HHIPL2: variants seen among roughly 807,000 people sequenced by gnomAD.
HHIPL2 encodes HHIP like 2, also known as HHIP-like protein 2.
HHIPL2 carries 61 observed loss-of-function variants against 61.0 expected under a neutral mutation model. The observed-to-expected ratio is 1.00, with a 90% confidence interval of 0.81 to 1.24. The LOEUF is 1.24. HHIPL2 is among the 50% of genes most tolerant of loss of function. The pLI, the probability that HHIPL2 is intolerant of heterozygous loss-of-function variation, is 0.00. For missense variants in HHIPL2, 885 were observed against 910.2 expected (o/e 0.97, Z 0.36); for synonymous variants, 343 against 357.4 (o/e 0.96, Z 0.45).
rs1659082153 is a variant in HHIPL2 at position 222,527,012 on chromosome 1, A to C, written c.1762T>G (p.Tyr588Asp). The C allele has an allele frequency of 1.9e-6, 3 of 1,613,760 alleles. No homozygotes were observed. In the East Asian group the frequency reaches 6.7e-5, roughly 36 times the overall value. ...TTGTAAATAGATCCACGTGGTGCAT[A>C]GGCACTTGGGTAAGAGGTCGCCAGG... ...YFLATSYPSAYAPRGSIYKFV... is the reference protein window; with the variant it reads ...YFLATSYPSADAPRGSIYKFV... Residue 588 changes from tyrosine (Y) to aspartate (D), a missense_variant, in exon 7 of 9, where the codon TAT (tyrosine) becomes GAT (aspartate). Physicochemically the swap from Tyr to Asp is radical, Grantham distance 160. Coordinates refer to ENST00000343410, the MANE Select transcript of HHIPL2 (RefSeq NM_024746.4).
intron 5 of HHIPL2, among the ~76,000 whole-genome samples, chr1:222,533,491 T>A (rs1659235930): frequency 6.6e-6 from 1 of 151,924 alleles, no homozygotes; most frequent in South Asian, 2.1e-4. Context: ...AACAATGAAA[T>A]CCCAAAGCTC....
In HHIPL2 at chr1:222,532,857, C is replaced by T. The variant is rs559131242; in HGVS notation, c.1578-746G>A. ...TGGCACATAGTAAGGGTTAAAAAAA[C>T]TACTAACTGTTATTATTATTGCTGT... On this transcript the variant is annotated intron_variant, in intron 5 of 8. Coordinates refer to ENST00000343410, the MANE Select transcript of HHIPL2 (RefSeq NM_024746.4). Among the ~76,000 whole-genome samples the T allele has an allele frequency of 9.9e-4, 146 of 148,180 alleles. 1 individual carries two copies. Among genetic ancestry groups the T allele is most frequent in the African/African-American group, 3.5e-3 (139 of 39,778 alleles).
chr1:222,539,919 T>G (rs1659392366), intron 4 of HHIPL2, 91 bp downstream of exon 4: 1 of 1,087,872 alleles, frequency 9.2e-7, no homozygotes, highest in African/African-American at 1.6e-5. Flanking sequence ...TTAAATGACC[T>G]GCAGGGCAGG....
intron 5 of HHIPL2, among the ~76,000 whole-genome samples, chr1:222,533,924 G>C (rs1368076497): frequency 6.6e-6 from 1 of 152,192 alleles, no homozygotes; most frequent in Admixed American, 6.5e-5. Flanking sequence ...AGCTGCAAAA[G>C]GTTCCCCTGA....
chr1:222,531,853 G>A (rs551325319), intron 6 of HHIPL2, 113 bp downstream of exon 6: 46 of 938,230 alleles, frequency 4.9e-5, no homozygotes, highest in African/African-American at 4.3e-4. Context: ...ATGACTAAAC[G>A]ATAGTGATCA....
chr1:222,540,182 C>A lies in HHIPL2; in HGVS notation c.1278G>T (p.Val426=), dbSNP rs547051156. 5 of 1,614,272 alleles carry A rather than the reference C, an allele frequency of 3.1e-6. No homozygotes were observed. The highest frequency in any genetic ancestry group is 4.2e-6 in the Non-Finnish European group (5 of 1,180,050). The change falls in exon 4 of 9, where the codon GTG becomes GTT. Residue 426 remains valine, a synonymous_variant. Transcript: ENST00000343410. The stretch of plus-strand genomic sequence containing the variant: ...GGCGCGTGATGGGGTCCCCTCGGTC[C>A]ACAGCACAACGCCACATGTTCCTGA... ...YGIRNMWRCA[V]DRGDPITRQG...
intron 6 of HHIPL2, among the ~76,000 whole-genome samples, chr1:222,531,002 C>T (rs922900068): frequency 1.3e-5 from 2 of 152,038 alleles, no homozygotes; most frequent in South Asian, 2.1e-4. Flanking sequence ...AGTTAAAAAT[C>T]GGCTTTCTGA....
At chr1:222,523,399 G>A (rs1055879530) in intron 8 of HHIPL2, among the ~76,000 whole-genome samples, 2 of 152,140 alleles carry the variant, frequency 1.3e-5, no homozygotes, top group Non-Finnish European at 2.9e-5. Context: ...ATCAACAAAC[G>A]AATGAATGAA....
Position 222,538,574 on chromosome 1 carries a change from C to A in HHIPL2, c.1577+74G>T. ...CCTGTGCTCTTACGTGATTATATTT[C>A]ACCATATGTAAGTTATACCTCAGTA... On this transcript the variant is annotated intron_variant, in intron 5 of 8. Coordinates refer to ENST00000343410, the MANE Select transcript of HHIPL2 (RefSeq NM_024746.4). 2.2e-6 allele frequency: 3 copies of A among 1,344,424 alleles called. No individual in the cohort carries two copies. The South Asian group carries it at 3.8e-5, about 17-fold the overall frequency. The allele number at this position is 1,344,424 out of a possible 1,614,324, so 83.3% of individuals were successfully genotyped here. A position where few individuals can be genotyped will look rare whatever the true frequency, so the allele number is the denominator to read the frequency against.
At chr1:222,533,783 A>C (rs1472754048) in intron 5 of HHIPL2, among the ~76,000 whole-genome samples, 3 of 152,212 alleles carry the variant, frequency 2.0e-5, no homozygotes, top group Non-Finnish European at 4.4e-5. Flanking sequence ...AGGGAGGGAA[A>C]ATACAGGCAA....
rs746838052 is a variant in HHIPL2, at chr1:222,544,154, G to A, written c.357C>T (p.Ala119=). ...TCCGGAGAGGCGTCTGGGTGTTTTC[G>A]GCGTCGTAGAGGTGGGCTGCGTAGG... ...CSPYAAHLYD[A]ENTQTPLRNL... is the part of the protein sequence containing the mutation. Residue 119 remains alanine (A), a synonymous_variant, in exon 2 of 9, where the codon GCC becomes GCT. Coordinates refer to ENST00000343410, the MANE Select transcript of HHIPL2 (RefSeq NM_024746.4). 15 of 1,613,392 alleles carry A rather than the reference G, an allele frequency of 9.3e-6. No homozygotes were observed. The Admixed American group carries it at 2.2e-4, about 23-fold the overall frequency.
chr1:222,522,652 G>A lies in HHIPL2; in HGVS notation c.2124C>T (p.Gly708=). Residue 708 remains glycine (G), a synonymous_variant, in exon 9 of 9, where the codon GGC becomes GGT. Transcript: ENST00000343410. ...KRRKSLKSHS[G]RMRPSAEQKR... ...TCTGCTCTGCTGATGGCCTCATCCTGCCACTGTGGCTTTTCAGGCTCTTCC... is the reference window on the plus strand; with the variant it reads ...TCTGCTCTGCTGATGGCCTCATCCTACCACTGTGGCTTTTCAGGCTCTTCC... 1 of 1,614,154 alleles carries A rather than the reference G, an allele frequency of 6.2e-7. No individual in the cohort carries two copies. The highest frequency in any genetic ancestry group is 8.5e-7 in the Non-Finnish European group (1 of 1,180,030).
intron 4 of HHIPL2, 56 bp from the exon 5 acceptor site, chr1:222,538,830 A>G: frequency 6.3e-7 from 1 of 1,588,978 alleles, no homozygotes; most frequent in South Asian, 1.1e-5. Flanking sequence ...GAAAGCTTCA[A>G]GGAGGAAGAA....
intron 6 of HHIPL2, among the ~76,000 whole-genome samples, chr1:222,527,683 A>C (rs78705339): frequency 0.027 from 4,128 of 152,192 alleles, 187 homozygotes; most frequent in African/African-American, 0.095. Context: ...TTTGGCTCCC[A>C]TAATTCCCAC....
chr1:222,532,411 A>G (rs954703285), intron 5 of HHIPL2, among the ~76,000 whole-genome samples: 7 of 152,114 alleles, frequency 4.6e-5, no homozygotes, highest in African/African-American at 1.7e-4. Context: ...TCAGGAGTTC[A>G]CGACCAGCCT....
At chr1:222,545,366 C>T (rs2102623785) in intron 1 of HHIPL2, among the ~76,000 whole-genome samples, 1 of 152,296 alleles carries the variant, frequency 6.6e-6, no homozygotes, top group East Asian at 1.9e-4. Flanking sequence ...CTTATTTCCT[C>T]TGATTGTACG....
At chr1:222,538,171 G>A (rs1469560211) in intron 5 of HHIPL2, among the ~76,000 whole-genome samples, 4 of 151,172 alleles carry the variant, frequency 2.6e-5, no homozygotes, top group Non-Finnish European at 4.4e-5. Context: ...CTAAGCTGTG[G>A]TGAGAGTGCT....
chr1:222,543,724 A>C lies in HHIPL2; in HGVS notation c.787T>G (p.Leu263Val), dbSNP rs150501722. The change falls in exon 2 of 9, where the codon TTG becomes GTG. Residue 263 changes from leucine to valine, a missense_variant. By Grantham distance (32) the Leu-to-Val change is conservative (BLOSUM62 1). Transcript: ENST00000343410. Reference protein sequence around the residue: ...QPFLDLKNIVLTTPWIGDERG... With the variant: ...QPFLDLKNIVVTTPWIGDERG... ...TCATCCCCGATCCATGGGGTGGTCA[A>C]CACGATGTTCTTGAGGTCCAGGAAG... The C allele has an allele frequency of 5.1e-4, 828 of 1,614,204 alleles. 1 individual carries two copies. The highest frequency in any genetic ancestry group is 6.2e-4 in the Non-Finnish European group (727 of 1,180,030).
intron 3 of HHIPL2, among the ~76,000 whole-genome samples, chr1:222,540,968 G>A (rs1016950357): frequency 1.3e-5 from 2 of 152,206 alleles, no homozygotes. Context: ...CAGGTGCAGT[G>A]GCTCATGCCT....
Sources: allele counts gnomAD v4.1 joint callset (sites outside exome capture counted in the v4.1 genomes callset), GRCh38; gene constraint gnomAD v4.1.1; transcripts MANE v1.5; gene names NCBI Gene and HGNC (gene_info 2026-07-23, HGNC 2026-07-21).